Variants in SLC26A11 observed in about 807,000 individuals in gnomAD.
The protein encoded by SLC26A11 is solute carrier family 26 member 11.
A neutral mutation model predicts 62.2 loss-of-function variants in SLC26A11; 58 were observed. The ratio of observed to expected loss-of-function variants is 0.93; its 90% confidence interval spans 0.76 to 1.16. The LOEUF is 1.16. Ranked by LOEUF, SLC26A11 falls within the 50% of genes most tolerant of loss-of-function variation. SLC26A11 has a pLI of 0.00. For synonymous variants in SLC26A11, 411 were observed against 368.9 expected, an observed-to-expected ratio of 1.11 and a Z score of -1.31; for missense variants, 790 against 794.3, an observed-to-expected ratio of 0.99 and a Z score of 0.06.
At chr17:80,231,051 T>C (rs2042551841) in intron 7 of SLC26A11, among the ~76,000 whole-genome samples, 1 of 151,770 alleles carries the variant, frequency 6.6e-6, no homozygotes, top group South Asian at 2.1e-4. Flanking sequence ...GTTTCATTGA[T>C]CTCCCTTTTG....
chr17:80,242,067 C>T lies in SLC26A11; in HGVS notation c.1036+246C>T, dbSNP rs533480680. 4.6e-5 allele frequency among the ~76,000 whole-genome samples: 7 copies of T among 152,326 alleles called. No homozygotes were observed. In the East Asian group the frequency reaches 5.8e-4, roughly 13 times the overall value. On this transcript the variant is annotated intron_variant, in intron 10 of 17. Transcript: ENST00000361193. ...TCTTGGCTCACTACAACCTCTGCCTCCTGGGTTCAAGTGATTCTCCTGCCT... is the reference window on the plus strand; with the variant it reads ...TCTTGGCTCACTACAACCTCTGCCTTCTGGGTTCAAGTGATTCTCCTGCCT...
At chr17:80,224,713 ATCATTTTTGGTG>A (rs2144878546) in intron 5 of SLC26A11, among the ~76,000 whole-genome samples, 1 of 152,278 alleles carries the variant, frequency 6.6e-6, no homozygotes, top group South Asian at 2.1e-4. Context: ...ATCTGGAAAC[ATCATTTTTGGTG>A]TCAAGAATGT....
rs374761070 is a variant in SLC26A11 at position 80,223,443 on chromosome 17, C to T, written c.513+106C>T. The T allele has an allele frequency of 1.6e-5, 17 of 1,041,768 alleles. No homozygotes were observed. Among genetic ancestry groups the T allele is most frequent in the Admixed American group, 4.0e-5 (2 of 50,102 alleles). The allele number at this position is 1,041,768 out of a possible 1,614,324, so 64.5% of individuals were successfully genotyped here. ...AGTCCTGATCCCTGTGGCCAGTGGA[C>T]GTCTTGCTGTTTCAGATTGTCTTCC... On this transcript the variant is annotated intron_variant, in intron 5 of 17. Transcript: ENST00000361193. The surrounding 1 kb of genome is among the most constrained non-coding windows in gnomAD (Gnocchi z 4.6).
chr17:80,231,255 C>T (rs532217729), intron 7 of SLC26A11, among the ~76,000 whole-genome samples: 2 of 151,246 alleles, frequency 1.3e-5, no homozygotes, highest in Admixed American at 6.6e-5. Context: ...CTCCGCCTCC[C>T]GGGTTCAAGT....
chr17:80,240,028 T>C (rs1441554731), intron 9 of SLC26A11, among the ~76,000 whole-genome samples: 2 of 152,192 alleles, frequency 1.3e-5, no homozygotes, highest in African/African-American at 4.8e-5. Flanking sequence ...GCCTAAAATA[T>C]CGACAAGTTG....
intron 9 of SLC26A11, among the ~76,000 whole-genome samples, chr17:80,240,383 C>T (rs1229900970): frequency 6.6e-6 from 1 of 150,564 alleles, no homozygotes; most frequent in Non-Finnish European, 1.5e-5. Flanking sequence ...AAAAGTTTGC[C>T]AACCTCTGTC....
Position 80,246,431 on chromosome 17 carries a change from G to T in SLC26A11, c.1154-78G>T, listed in dbSNP as rs1471641847. 4 of 1,581,638 alleles carry T rather than the reference G, an allele frequency of 2.5e-6. No individual in the cohort carries two copies. Among genetic ancestry groups the T allele is most frequent in the Non-Finnish European group, 3.4e-6 (4 of 1,167,724 alleles). On this transcript the variant is annotated intron_variant, in intron 12 of 17. Coordinates refer to ENST00000361193, the MANE Select transcript of SLC26A11 (RefSeq NM_001166347.2). This position sits in a 1 kb window ranked among gnomAD's most constrained non-coding sequence, Gnocchi z 4.4. ...CCCACCCCTGTCCCCAGTGGGCTCT[G>T]CTGAACAAGAGGCTGCTACGCTGCG...
At chr17:80,250,192 G>A (rs1468821751) in intron 16 of SLC26A11, among the ~76,000 whole-genome samples, 2 of 152,190 alleles carry the variant, frequency 1.3e-5, no homozygotes, top group East Asian at 1.9e-4. Flanking sequence ...ATGGCAGAAC[G>A]TGGGGGACTA....
intron 7 of SLC26A11, among the ~76,000 whole-genome samples, chr17:80,233,584 A>ATTTTTTTTTTTTTTT (rs56289503): frequency 1.4e-5 from 2 of 142,406 alleles, no homozygotes; most frequent in African/African-American, 5.2e-5. Flanking sequence ...CTCTTTCAGC[A>ATTTTTTTTTTTTTTT]TTTTTTTTTT....
At chr17:80,224,274 T>TGA (rs1183823531) in intron 5 of SLC26A11, among the ~76,000 whole-genome samples, 2 of 126,724 alleles carry the variant, frequency 1.6e-5, no homozygotes, top group East Asian at 2.3e-4. Flanking sequence ...CGTGTGTGAG[T>TGA]GAGTGCGTGT....
chr17:80,235,763 T>C (rs552098088), intron 7 of SLC26A11, among the ~76,000 whole-genome samples: 1 of 152,366 alleles, frequency 6.6e-6, no homozygotes, highest in East Asian at 1.9e-4. Flanking sequence ...CTATAAATCT[T>C]CTTGAGCTTT....
At position 80,252,774 on chromosome 17, in the gene SLC26A11, GTGAT is replaced by G; in HGVS notation, c.*61_*64del. 1.4e-6 allele frequency: 2 copies of G among 1,474,916 alleles called. No individual in the cohort carries two copies. Among genetic ancestry groups the G allele is most frequent in the Non-Finnish European group, 1.9e-6 (2 of 1,064,076 alleles). The allele number at this position is 1,474,916 out of a possible 1,614,324, so 91.4% of individuals were successfully genotyped here. A position where few individuals can be genotyped will look rare whatever the true frequency, so the allele number is the denominator to read the frequency against. On this transcript the variant is annotated 3_prime_UTR_variant, in exon 18 of 18. Transcript: ENST00000361193. This position sits in a 1 kb window ranked among gnomAD's most constrained non-coding sequence, Gnocchi z 5.2. ...GGTGTTCCGGAAGGTTCTTGTCACT[GTGAT>G]TGGATGCTGGATGCCGCCTGATAGA... is the stretch of plus-strand genomic sequence containing the variant.
In SLC26A11 at chr17:80,238,179, G is replaced by A. The variant is rs114230869; in HGVS notation, c.985+585G>A. 6.9e-3 allele frequency among the ~76,000 whole-genome samples: 1,045 copies of A among 152,228 alleles called. 13 individuals carry two copies. The highest frequency in any genetic ancestry group is 0.024 in the African/African-American group (980 of 41,518). ...TTGAAACCCACCTAGGCAACGTAACGAGACCTCGTTTCTATTAAAAATAAA... is the reference window on the plus strand; with the variant it reads ...TTGAAACCCACCTAGGCAACGTAACAAGACCTCGTTTCTATTAAAAATAAA... On this transcript the variant is annotated intron_variant, in intron 9 of 17. Coordinates refer to ENST00000361193, the MANE Select transcript of SLC26A11 (RefSeq NM_001166347.2).
In SLC26A11 at chr17:80,246,044, A is replaced by C; in HGVS notation, c.1098-110A>C. ...CCCTTGCAGTCCCCGCCTGCTTCCC[A>C]AGCCGTGCTGGGAGCTGACGTCCCC... On this transcript the variant is annotated intron_variant, in intron 11 of 17. Coordinates refer to ENST00000361193, the MANE Select transcript of SLC26A11 (RefSeq NM_001166347.2). This position sits in a 1 kb window ranked among gnomAD's most constrained non-coding sequence, Gnocchi z 4.4. 1 of 1,356,528 alleles carries C rather than the reference A, an allele frequency of 7.4e-7. No individual in the cohort carries two copies. The highest frequency in any genetic ancestry group is 1.1e-6 in the Non-Finnish European group (1 of 949,080). 84.0% of individuals were successfully genotyped at this position (1,356,528 alleles called of 1,614,324 possible).
rs1339191244 is a variant in SLC26A11 at position 80,251,417 on chromosome 17, C to T, written c.1729+16C>T. 4 of 1,612,578 alleles carry T rather than the reference C, an allele frequency of 2.5e-6. No individual in the cohort carries two copies. Among genetic ancestry groups the T allele is most frequent in the Non-Finnish European group, 3.4e-6 (4 of 1,179,488 alleles). ...GAAGAAGCAGGTGGGCACAGTCAGA[C>T]ATCCTGTGGCTTTGGTGATTTTGTA... is the stretch of plus-strand genomic sequence containing the variant. On this transcript the variant is annotated intron_variant, in intron 17 of 17. Coordinates refer to ENST00000361193, the MANE Select transcript of SLC26A11 (RefSeq NM_001166347.2).
At chr17:80,247,631 T>C (rs1190603145) in intron 13 of SLC26A11, among the ~76,000 whole-genome samples, 1 of 152,230 alleles carries the variant, frequency 6.6e-6, no homozygotes, top group Non-Finnish European at 1.5e-5. Flanking sequence ...GCTGGGGCTT[T>C]AGAACAGCCC....
rs773459347 is a variant in SLC26A11, at chr17:80,241,825, A to G, written c.1036+4A>G. On this transcript the variant is annotated splice_donor_region_variant and intron_variant, in intron 10 of 17. Coordinates refer to ENST00000361193, the MANE Select transcript of SLC26A11 (RefSeq NM_001166347.2). ...AACCAGGAGCTGCTGGCCATCGGTA[A>G]GACCCCAGCCGCGGGAAGGAAGACA... 3.7e-6 allele frequency: 6 copies of G among 1,614,080 alleles called. No homozygotes were observed. The East Asian group carries it at 1.1e-4, about 30-fold the overall frequency.
At chr17:80,248,409 A>T in intron 14 of SLC26A11, 152 bp downstream of exon 14, 1 of 1,320,456 alleles carries the variant, frequency 7.6e-7, no homozygotes, top group Non-Finnish European at 1.0e-6. Flanking sequence ...GCTATAAACC[A>T]TGGTGTTCTC....
chr17:80,244,837 G>C (rs1004098584), intron 10 of SLC26A11, among the ~76,000 whole-genome samples: 2 of 152,060 alleles, frequency 1.3e-5, no homozygotes, highest in Non-Finnish European at 2.9e-5. Context: ...TTAGCCAGGC[G>C]TGGTAGTGTG....
Sources: gnomAD v4.1 joint callset for allele counts (sites outside exome capture counted in the v4.1 genomes callset) on GRCh38, gnomAD v4.1.1 for gene constraint, Gnocchi (gnomAD v3.1) non-coding constraint, MANE v1.5 for transcripts, NCBI Gene and HGNC (gene_info 2026-07-23, HGNC 2026-07-21) for gene names.